Variants in MAN1C1 observed in about 807,000 individuals in gnomAD.
The protein encoded by MAN1C1 is mannosyl-oligosaccharide 1,2-alpha-mannosidase IC.
A neutral mutation model predicts 71.5 loss-of-function variants in MAN1C1; 49 were observed. The ratio of observed to expected loss-of-function variants is 0.69; its 90% CI spans 0.54 to 0.87. MAN1C1 has a LOEUF of 0.87. MAN1C1 is among the 40% of genes least tolerant of loss of function. The probability of loss-of-function intolerance (pLI) is 0.00; values close to 1 mark genes in which losing one functional copy is unlikely to be tolerated. For missense variants in MAN1C1, 743 were observed against 835.0 expected (o/e 0.89, Z 1.36); for synonymous variants, 352 against 343.7 (o/e 1.02, Z -0.27).
At position 25,769,105 on chromosome 1, in the gene MAN1C1, C is replaced by CCA. The variant is rs1371497137; in HGVS notation, c.1142-2542_1142-2541dup. Among the ~76,000 whole-genome samples, 1 of 146,330 alleles carries CCA rather than the reference C, an allele frequency of 6.8e-6. No homozygotes were observed. The highest frequency in any genetic ancestry group is 1.5e-5 in the Non-Finnish European group (1 of 65,994). ...ACACACCTATCACCCACACTCCCTC[C>CCA]CACACACACACCACACACTCCCTTC... On this transcript the variant is annotated intron_variant, in intron 7 of 11. Transcript: ENST00000374332. This position sits in a 1 kb window ranked among gnomAD's most constrained non-coding sequence, Gnocchi z 4.8.
At position 25,725,773 on chromosome 1, in the gene MAN1C1, A is replaced by G. The variant is rs934185918; in HGVS notation, c.638-20895A>G. 6.6e-6 allele frequency among the ~76,000 whole-genome samples: 1 copy of G among 152,188 alleles called. No individual in the cohort carries two copies. Among genetic ancestry groups the G allele is most frequent in the African/African-American group, 2.4e-5 (1 of 41,460 alleles). ...TTAATGGAAGTCGAAGGCGTGTGGCATTTGAGGGAGACTGCGCCATCTGAA... is the reference window on the plus strand; with the variant it reads ...TTAATGGAAGTCGAAGGCGTGTGGCGTTTGAGGGAGACTGCGCCATCTGAA... On this transcript the variant is annotated intron_variant, in intron 2 of 11. Coordinates refer to ENST00000374332, the MANE Select transcript of MAN1C1 (RefSeq NM_020379.4). The surrounding 1 kb of genome is among the most constrained non-coding windows in gnomAD (Gnocchi z 4.8).
rs11247857 is a variant in MAN1C1, at chr1:25,618,250, T to C, written c.453T>C (p.Arg151=). ...TTGACTTCAACGCATTCCGGAGCCG[T>C]CTCCGCCACCCGGTCCTGGGAACGA... ...FRFDFNAFRS[R]LRHPVLGTRA... Residue 151 remains arginine, a synonymous_variant, in exon 1 of 12, where the codon CGT becomes CGC. Transcript: ENST00000374332. 0.047 allele frequency: 75,276 copies of C among 1,601,610 alleles called. 12,160 individuals carry two copies. The African/African-American group carries it at 0.49, about 11-fold the overall frequency.
intron 6 of MAN1C1, chr1:25,763,624 G>T: frequency 2.0e-6 from 1 of 504,648 alleles, no homozygotes; most frequent in Non-Finnish European, 3.6e-6. Flanking sequence ...AGACTGTCCA[G>T]GTGCCAGGCA....
At chr1:25,721,051 C>G (rs2046758586) in intron 2 of MAN1C1, among the ~76,000 whole-genome samples, 1 of 152,138 alleles carries the variant, frequency 6.6e-6, no homozygotes, top group South Asian at 2.1e-4. Flanking sequence ...ATCACACTGT[C>G]TTGATTATTG....
intron 2 of MAN1C1, among the ~76,000 whole-genome samples, chr1:25,723,771 T>A (rs1572175426): frequency 6.6e-6 from 1 of 152,286 alleles, no homozygotes; most frequent in Non-Finnish European, 1.5e-5. Flanking sequence ...GAAGATTAGA[T>A]GGGTTTTTGC....
At chr1:25,704,837 G>T (rs1476412628) in intron 2 of MAN1C1, among the ~76,000 whole-genome samples, 1 of 152,216 alleles carries the variant, frequency 6.6e-6, no homozygotes, top group Non-Finnish European at 1.5e-5. Flanking sequence ...TTCCTATCTG[G>T]TTTGTTGCTG....
rs1359933620 is a variant in MAN1C1 at position 25,775,138 on chromosome 1, C to G, written c.1258-2967C>G. ...GAGGTCTCCCTCAGATGTCTGTGTT[C>G]TCTCCAAAGTGTTGACAACTGGTGA... On this transcript the variant is annotated intron_variant, in intron 8 of 11. Coordinates refer to ENST00000374332, the MANE Select transcript of MAN1C1 (RefSeq NM_020379.4). This position sits in a 1 kb window ranked among gnomAD's most constrained non-coding sequence, Gnocchi z 5.1. Among the ~76,000 whole-genome samples the G allele has an allele frequency of 2.0e-5, 3 of 152,216 alleles. No individual in the cohort carries two copies. The highest frequency in any genetic ancestry group is 4.4e-5 in the Non-Finnish European group (3 of 68,040).
intron 9 of MAN1C1, 53 bp from the exon 10 acceptor site, chr1:25,780,887 A>G: frequency 8.9e-6 from 14 of 1,581,238 alleles, no homozygotes; most frequent in Non-Finnish European, 1.2e-5. Flanking sequence ...TGGATCCCGA[A>G]AAGCAGGAGG....
At chr1:25,687,064 C>G (rs1330356654) in intron 2 of MAN1C1, among the ~76,000 whole-genome samples, 2 of 152,074 alleles carry the variant, frequency 1.3e-5, no homozygotes. Context: ...TCCCTTGAGC[C>G]TGGGAGTTCA....
At chr1:25,678,564 TAA>T (rs1457021908) in intron 1 of MAN1C1, among the ~76,000 whole-genome samples, 1 of 152,218 alleles carries the variant, frequency 6.6e-6, no homozygotes, top group East Asian at 1.9e-4. Flanking sequence ...TTAATAACTT[TAA>T]AAGTTTTTTC....
Position 25,753,443 on chromosome 1 carries a change from C to A in MAN1C1, c.835-41C>A. 2 of 1,528,134 alleles carry A rather than the reference C, an allele frequency of 1.3e-6. No homozygotes were observed. The highest frequency in any genetic ancestry group is 1.8e-5 in the Admixed American group (1 of 56,572). 94.7% of individuals were successfully genotyped at this position (1,528,134 alleles called of 1,614,324 possible). ...AGTTCTGGGGTTGACCTTCCCTCAC[C>A]CAGCCTGGAGTCAAAAGCCCTTTGA... On this transcript the variant is annotated intron_variant, in intron 4 of 11. Transcript: ENST00000374332. This position sits in a 1 kb window ranked among gnomAD's most constrained non-coding sequence, Gnocchi z 4.9.
intron 1 of MAN1C1, chr1:25,658,690 A>G (rs1572127760): frequency 6.6e-6 from 1 of 152,144 alleles, no homozygotes; most frequent in Non-Finnish European, 1.5e-5. Context: ...CATGAGGTCA[A>G]GTGATCTGCC....
intron 1 of MAN1C1, among the ~76,000 whole-genome samples, chr1:25,685,583 G>A (rs1032893933): frequency 1.7e-4 from 26 of 152,348 alleles, no homozygotes; most frequent in African/African-American, 5.8e-4. Flanking sequence ...TGGGGAGCAA[G>A]GTGCTGGCGT....
At chr1:25,697,039 T>C (rs1346632869) in intron 2 of MAN1C1, among the ~76,000 whole-genome samples, 1 of 152,242 alleles carries the variant, frequency 6.6e-6, no homozygotes, top group Admixed American at 6.5e-5. Flanking sequence ...TATGGCGTGC[T>C]TTTTTCCTTG....
At chr1:25,687,590 G>T (rs552469477) in intron 2 of MAN1C1, among the ~76,000 whole-genome samples, 1 of 152,248 alleles carries the variant, frequency 6.6e-6, no homozygotes, top group Non-Finnish European at 1.5e-5. Context: ...AATTTACAAG[G>T]GATATCCCCC....
intron 2 of MAN1C1, among the ~76,000 whole-genome samples, chr1:25,697,025 CT>C (rs1256986338): frequency 6.6e-6 from 1 of 152,196 alleles, no homozygotes; most frequent in Non-Finnish European, 1.5e-5. Context: ...TGCATGTACT[CT>C]TTTATGGCGT....
At chr1:25,766,976 C>T (rs1276646746) in intron 7 of MAN1C1, among the ~76,000 whole-genome samples, 2 of 152,026 alleles carry the variant, frequency 1.3e-5, no homozygotes, top group East Asian at 3.8e-4. Flanking sequence ...GAGCCTGCCT[C>T]TGCTCTGGGG....
chr1:25,695,658 C>A (rs2046360807), intron 2 of MAN1C1, among the ~76,000 whole-genome samples: 2 of 152,234 alleles, frequency 1.3e-5, no homozygotes, highest in Non-Finnish European at 2.9e-5. Context: ...TTTTGCCAAG[C>A]AGTTTCTAAT....
At chr1:25,683,118 C>T in intron 1 of MAN1C1, among the ~76,000 whole-genome samples, 1 of 152,054 alleles carries the variant, frequency 6.6e-6, no homozygotes, top group East Asian at 1.9e-4. Context: ...AGCATGACAG[C>T]AGGAACTGTC....
Sources: gnomAD v4.1 joint callset for allele counts (sites outside exome capture counted in the v4.1 genomes callset) on GRCh38, gnomAD v4.1.1 for gene constraint, Gnocchi (gnomAD v3.1) non-coding constraint, MANE v1.5 for transcripts, NCBI Gene and HGNC (gene_info 2026-07-23, HGNC 2026-07-21) for gene names.